The following B4GALNT4 variants were observed in gnomAD, a reference collection of about 807,000 sequenced individuals.
B4GALNT4 encodes the protein N-acetyl-beta-glucosaminyl-glycoprotein 4-beta-N-acetylgalactosaminyltransferase 1.
B4GALNT4 carries 77 observed loss-of-function variants against 110.0 expected under a neutral mutation model. That is an observed-to-expected ratio of 0.70 (90% confidence interval 0.58 to 0.85). The LOEUF (loss-of-function observed/expected upper bound fraction) is 0.85. Ranked by LOEUF, B4GALNT4 falls within the 40% of genes least tolerant of loss-of-function variation. The probability of loss-of-function intolerance (pLI) is 0.00; values close to 1 mark genes in which losing one functional copy is unlikely to be tolerated. For synonymous variants in B4GALNT4, 785 were observed against 655.5 expected, an observed-to-expected ratio of 1.20 and a Z score of -3.02; for missense variants, 1,575 against 1,506.0, an observed-to-expected ratio of 1.05 and a Z score of -0.76.
chr11:376,603 CTG>C lies in B4GALNT4; in HGVS notation c.1481_1482del (p.Leu494GlnfsTer183). The C allele has an allele frequency of 2.9e-6, 4 of 1,389,980 alleles. No individual in the cohort carries two copies. Among genetic ancestry groups the C allele is most frequent in the Non-Finnish European group, 3.7e-6 (4 of 1,075,216 alleles). The allele number at this position is 1,389,980 out of a possible 1,614,324, so 86.1% of individuals were successfully genotyped here. ...GGGGACCCCCAGGCACTCCCGGGCC[CTG>C]AGCTGGGCCGCCAGGGCCGCCCGCC... The part of the protein sequence containing the change: ...DGGTPRHSRA[L>X]SWAARAARPL... On this transcript the variant is annotated frameshift_variant, in exon 14 of 20. Transcript: ENST00000329962. LOFTEE classifies it high-confidence loss of function.
In B4GALNT4 at chr11:372,694, TG is replaced by T; in HGVS notation, c.295del (p.Ala99LeufsTer6). On this transcript the variant is annotated frameshift_variant, in exon 3 of 20. Coordinates refer to ENST00000329962, the MANE Select transcript of B4GALNT4 (RefSeq NM_178537.5). LOFTEE classifies it high-confidence loss of function. The stretch of plus-strand genomic sequence containing the variant: ...GTCGGGACCTAGACATGCTGTTTCC[TG>T]GGGGGGCTGGGAGGCTGCCACTGAA... ...EGRDLDMLFP[G>X]GAGRLPLNFT... is the part of the protein sequence containing the mutation. 1.2e-6 allele frequency: 2 copies of T among 1,609,714 alleles called. No homozygotes were observed. The highest frequency in any genetic ancestry group is 1.7e-6 in the Non-Finnish European group (2 of 1,179,144).
At position 381,863 on chromosome 11, in the gene B4GALNT4, T is replaced by C. The variant is rs1226797751; in HGVS notation, c.*71T>C. 3 of 1,453,794 alleles carry C rather than the reference T, an allele frequency of 2.1e-6. No homozygotes were observed. Among genetic ancestry groups the C allele is most frequent in the South Asian group, 1.4e-5 (1 of 73,114 alleles). 90.1% of individuals were successfully genotyped at this position (1,453,794 alleles called of 1,614,324 possible). A position where few individuals can be genotyped will look rare whatever the true frequency, so the allele number is the denominator to read the frequency against. On this transcript the variant is annotated 3_prime_UTR_variant, in exon 20 of 20. Transcript: ENST00000329962. Reference sequence around the variant, plus strand: ...GCTGGGGGCTGGGCTTTGAGCTCGGTCCCGAGAGACCCGGCAGGGCTGGTC... The same window carrying C: ...GCTGGGGGCTGGGCTTTGAGCTCGGCCCCGAGAGACCCGGCAGGGCTGGTC...
Position 379,574 on chromosome 11 carries a change from G to A in B4GALNT4, c.2361G>A (p.Gly787=), listed in dbSNP as rs1193519661. 14 of 1,585,484 alleles carry A rather than the reference G, an allele frequency of 8.8e-6. No homozygotes were observed. Among genetic ancestry groups the A allele is most frequent in the South Asian group, 1.1e-5 (1 of 89,492 alleles). ...TGCGGCTGCCGGGAGCCCGCGTAGG[G>A]GATGCAGACGGAGAAAGTCCCGAAC... The part of the protein sequence containing the change: ...VFLRLPGARV[G]DADGESPEPA... The change falls in exon 15 of 20, where the codon GGG becomes GGA. Residue 787 remains glycine (G), a synonymous_variant. Coordinates refer to ENST00000329962, the MANE Select transcript of B4GALNT4 (RefSeq NM_178537.5).
In B4GALNT4 at chr11:377,132, C is replaced by T. The variant is rs755329471; in HGVS notation, c.2009C>T (p.Pro670Leu). 1 of 1,511,260 alleles carries T rather than the reference C, an allele frequency of 6.6e-7. No individual in the cohort carries two copies. 93.6% of individuals were successfully genotyped at this position (1,511,260 alleles called of 1,614,324 possible). A position where few individuals can be genotyped will look rare whatever the true frequency, so the allele number is the denominator to read the frequency against. ...GAGGACAGCGAGGAGGCCGCGGGCC[C>T]GGCGCTCGGACGCTGGCGTGAGGAC... Reference protein sequence around the residue: ...ASEDSEEAAGPALGRWREDAI... With the variant: ...ASEDSEEAAGLALGRWREDAI... The change falls in exon 14 of 20, where the codon CCG becomes CTG. Residue 670 changes from proline (P) to leucine (L), a missense_variant. By Grantham distance (98) the Pro-to-Leu change is moderately conservative. Coordinates refer to ENST00000329962, the MANE Select transcript of B4GALNT4 (RefSeq NM_178537.5).
intron 18 of B4GALNT4, 180 bp from the exon 19 acceptor site, chr11:380,645 T>A (rs939010125): frequency 3.2e-6 from 4 of 1,254,486 alleles, no homozygotes; most frequent in Non-Finnish European, 4.5e-6. Context: ...TCCTCCAGTA[T>A]CCCGCGTTTA....
At chr11:370,097 C>T (rs1846590371) in intron 1 of B4GALNT4, 143 bp downstream of exon 1, 1 of 154,748 alleles carries the variant, frequency 6.5e-6, no homozygotes, top group Non-Finnish European at 1.4e-5. Context: ...ACAGAGGTCT[C>T]GGCTGGGCCC....
intron 8 of B4GALNT4, among the ~76,000 whole-genome samples, chr11:375,226 A>C (rs1846717618): frequency 6.7e-6 from 1 of 148,610 alleles, no homozygotes; most frequent in African/African-American, 2.5e-5. Context: ...AAGGTGAGGA[A>C]GGGAGCATGG....
At position 380,161 on chromosome 11, in the gene B4GALNT4, G is replaced by C. The variant is rs1327036592; in HGVS notation, c.2674G>C (p.Glu892Gln). Residue 892 changes from glutamate (E) to glutamine (Q), a missense_variant, in exon 17 of 20, where the codon GAG (glutamate) becomes CAG (glutamine). By Grantham distance (29) the Glu-to-Gln change is conservative (BLOSUM62 2). Transcript: ENST00000329962. The part of the protein sequence containing the change: ...YQYLRRTGNF[E>Q]RSAGLQAGVD... ...GTACCTGAGACGAACCGGGAACTTC[G>C]AGCGCTCCGCCGGGCTGCAGGCGGG... The C allele has an allele frequency of 1.9e-6, 3 of 1,603,904 alleles. No homozygotes were observed. Among genetic ancestry groups the C allele is most frequent in the Non-Finnish European group, 2.6e-6 (3 of 1,172,952 alleles).
Position 369,942 on chromosome 11 carries a change from G to T in B4GALNT4, c.139G>T (p.Gly47Cys). 1 of 977,760 alleles carries T rather than the reference G, an allele frequency of 1.0e-6. No homozygotes were observed. Among genetic ancestry groups the T allele is most frequent in the Non-Finnish European group, 1.2e-6 (1 of 827,022 alleles). The allele number at this position is 977,760 out of a possible 1,614,324, so 60.6% of individuals were successfully genotyped here. ...RQGRALRQRLGYGRDGEKLTS... is the reference protein window; with the variant it reads ...RQGRALRQRLCYGRDGEKLTS... ...GGGACGCGCGCTGCGCCAGCGCCTG[G>T]GCTACGGGCGAGGTACGGCGCGGGG... Residue 47 changes from glycine to cysteine, a missense_variant, in exon 1 of 20, where the codon GGC becomes TGC. Transcript: ENST00000329962.
intron 14 of B4GALNT4, among the ~76,000 whole-genome samples, chr11:378,346 A>C (rs1479214425): frequency 6.6e-6 from 1 of 152,140 alleles, no homozygotes; most frequent in East Asian, 1.9e-4. Flanking sequence ...GCTGGATTCT[A>C]GGTGGCTCAG....
rs369432731 is a variant in B4GALNT4, at chr11:376,371, C to T, written c.1297+20C>T. The stretch of plus-strand genomic sequence containing the variant: ...CGGACGGTGAGTGTCCGCAGCGCCC[C>T]TGGCCCGCACCCACCTGCGCAGGGA... On this transcript the variant is annotated intron_variant, in intron 13 of 19. Coordinates refer to ENST00000329962, the MANE Select transcript of B4GALNT4 (RefSeq NM_178537.5). The T allele has an allele frequency of 1.2e-6, 2 of 1,604,340 alleles. No homozygotes were observed. The highest frequency in any genetic ancestry group is 1.7e-6 in the Non-Finnish European group (2 of 1,176,886).
rs377196320 is a variant in B4GALNT4, at chr11:381,828, C to A, written c.*36C>A. ...CCCCTCCCAGCCCCGGTGGGAGTCC[C>A]GAGGCAGCTGCTGGGGGCTGGGCTT... On this transcript the variant is annotated 3_prime_UTR_variant, in exon 20 of 20. Coordinates refer to ENST00000329962, the MANE Select transcript of B4GALNT4 (RefSeq NM_178537.5). 1.3e-6 allele frequency: 2 copies of A among 1,539,494 alleles called. No homozygotes were observed. Among genetic ancestry groups the A allele is most frequent in the South Asian group, 1.2e-5 (1 of 83,202 alleles).
Position 377,109 on chromosome 11 carries a change from G to A in B4GALNT4, c.1986G>A (p.Glu662=). ...CCCCGGGCGACGAGGCCGCGTCGGA[G>A]GACAGCGAGGAGGCCGCGGGCCCGG... ...DGAPGDEAAS[E]DSEEAAGPAL... The change falls in exon 14 of 20, where the codon GAG becomes GAA. Residue 662 remains glutamate (E), a synonymous_variant. Coordinates refer to ENST00000329962, the MANE Select transcript of B4GALNT4 (RefSeq NM_178537.5). 2 of 1,482,144 alleles carry A rather than the reference G, an allele frequency of 1.3e-6. No individual in the cohort carries two copies. The highest frequency in any genetic ancestry group is 2.9e-5 in the African/African-American group (2 of 68,754). The allele number at this position is 1,482,144 out of a possible 1,614,324, so 91.8% of individuals were successfully genotyped here. A position where few individuals can be genotyped will look rare whatever the true frequency, so the allele number is the denominator to read the frequency against.
chr11:370,495 T>C (rs1452930937), intron 1 of B4GALNT4, among the ~76,000 whole-genome samples: 1 of 151,908 alleles, frequency 6.6e-6, no homozygotes, highest in Non-Finnish European at 1.5e-5. Flanking sequence ...GGTCCATGCG[T>C]AGGGATGGGG....
chr11:376,493 G>T lies in B4GALNT4; in HGVS notation c.1370G>T (p.Ser457Ile). 6.4e-7 allele frequency: 1 copy of T among 1,563,092 alleles called. No homozygotes were observed. Among genetic ancestry groups the T allele is most frequent in the Non-Finnish European group, 8.6e-7 (1 of 1,163,072 alleles). ...CCCACCGAGGCGGCCCCGCCCAGGA[G>T]CGGCCCCCAGTCCCCCGCCCCAGCA... ...LEPTEAAPPR[S>I]GPQSPAPAAP... The change falls in exon 14 of 20, where the codon AGC becomes ATC. Residue 457 changes from serine (S) to isoleucine (I), a missense_variant. Ser to Ile is a moderately radical substitution (Grantham distance 142, BLOSUM62 -2). Coordinates refer to ENST00000329962, the MANE Select transcript of B4GALNT4 (RefSeq NM_178537.5).
chr11:372,566 C>T (rs1846635529), intron 2 of B4GALNT4, 96 bp from the exon 3 acceptor site: 2 of 1,065,208 alleles, frequency 1.9e-6, no homozygotes, highest in East Asian at 5.1e-5. Flanking sequence ...TGTGTGGATA[C>T]ATGTTGGAAG....
At position 376,056 on chromosome 11, in the gene B4GALNT4, C is replaced by T; in HGVS notation, c.1096-18C>T. ...CGGGAGGTCCGCGCCCTGAGCCCTG[C>T]GCCCCCCCACCCCCCAGGTGTACCT... is the stretch of plus-strand genomic sequence containing the variant. On this transcript the variant is annotated intron_variant, in intron 11 of 19. Coordinates refer to ENST00000329962, the MANE Select transcript of B4GALNT4 (RefSeq NM_178537.5). 1 of 1,591,054 alleles carries T rather than the reference C, an allele frequency of 6.3e-7. No homozygotes were observed. The highest frequency in any genetic ancestry group is 8.6e-7 in the Non-Finnish European group (1 of 1,161,138).
intron 8 of B4GALNT4, 112 bp from the exon 9 acceptor site, chr11:375,349 T>A: frequency 9.0e-7 from 1 of 1,107,118 alleles, no homozygotes; most frequent in Non-Finnish European, 1.4e-6. Flanking sequence ...CTCTCCTGCA[T>A]CCTTTAAGGG....
chr11:380,681 C>T (rs1386533326), intron 18 of B4GALNT4, 144 bp from the exon 19 acceptor site: 1 of 1,407,146 alleles, frequency 7.1e-7, no homozygotes, highest in Non-Finnish European at 1.0e-6. Context: ...GGTCATGACC[C>T]AGTACCACCG....
Sources: allele counts gnomAD v4.1 joint callset (sites outside exome capture counted in the v4.1 genomes callset), GRCh38; gene constraint gnomAD v4.1.1; transcripts MANE v1.5; gene names NCBI Gene and HGNC (gene_info 2026-07-23, HGNC 2026-07-21).